Variants in PLD1 observed in about 807,000 individuals in gnomAD.
The protein encoded by PLD1 is choline phosphatase 1.
PLD1 carries 112 observed loss-of-function variants against 137.1 expected under a neutral mutation model. That is an observed-to-expected ratio of 0.82 (90% CI 0.70 to 0.96). The LOEUF (loss-of-function observed/expected upper bound fraction) is 0.96, where lower values mean the gene tolerates loss of function less well. Among genes scored for constraint, PLD1 ranks in the 40% least tolerant of loss-of-function variants. PLD1 has a pLI of 0.00. For synonymous variants in PLD1, 431 were observed against 454.7 expected, an observed-to-expected ratio of 0.95 and a Z score of 0.66; for missense variants, 1,321 against 1,342.0, an observed-to-expected ratio of 0.98 and a Z score of 0.24.
chr3:171,682,754 G>A (rs1714142492), intron 16 of PLD1, among the ~76,000 whole-genome samples: 2 of 152,232 alleles, frequency 1.3e-5, no homozygotes, highest in South Asian at 4.2e-4. Flanking sequence ...GGTACCAATA[G>A]CTGTGGGAGG....
intron 25 of PLD1, among the ~76,000 whole-genome samples, chr3:171,611,905 C>T (rs1237372032): frequency 6.6e-6 from 1 of 151,998 alleles, no homozygotes; most frequent in African/African-American, 2.4e-5. Context: ...CACAGCGAGA[C>T]ACGGTATCTA....
At chr3:171,720,506 C>G (rs562727866) in intron 8 of PLD1, among the ~76,000 whole-genome samples, 149 of 151,088 alleles carry the variant, frequency 9.9e-4, no homozygotes, top group African/African-American at 3.6e-3. Context: ...CGGCATGAAT[C>G]TGGGAGGCGG....
At chr3:171,660,891 G>A (rs893442543) in intron 20 of PLD1, among the ~76,000 whole-genome samples, 8 of 152,144 alleles carry the variant, frequency 5.3e-5, no homozygotes, top group Non-Finnish European at 1.0e-4. Context: ...TTACAGGCAT[G>A]AGCCACCGTG....
chr3:171,738,922 T>C (rs1337720051), intron 1 of PLD1, among the ~76,000 whole-genome samples: 2 of 152,216 alleles, frequency 1.3e-5, no homozygotes, highest in Non-Finnish European at 2.9e-5. Flanking sequence ...TTTTGCCTGA[T>C]GTAGAAATAA....
chr3:171,648,677 C>T (rs1736472593), intron 21 of PLD1, among the ~76,000 whole-genome samples: 1 of 151,992 alleles, frequency 6.6e-6, no homozygotes, highest in Non-Finnish European at 1.5e-5. Context: ...GCCTCAGCTT[C>T]CCGAGTAGCT....
intron 13 of PLD1, among the ~76,000 whole-genome samples, chr3:171,690,122 C>T (rs1578282921): frequency 6.6e-6 from 1 of 152,108 alleles, no homozygotes; most frequent in East Asian, 1.9e-4. Flanking sequence ...TTTCTTATTT[C>T]TAGGAACTTG....
At chr3:171,608,974 T>C (rs1446153926) in intron 25 of PLD1, among the ~76,000 whole-genome samples, 1 of 151,960 alleles carries the variant, frequency 6.6e-6, no homozygotes, top group Admixed American at 6.6e-5. Context: ...CAAACAAAAT[T>C]TGCAACACAT....
chr3:171,799,715 A>G (rs1723571158), intron 1 of PLD1, among the ~76,000 whole-genome samples: 1 of 152,246 alleles, frequency 6.6e-6, no homozygotes, highest in Non-Finnish European at 1.5e-5. Flanking sequence ...CAAAGTGGAC[A>G]TCACCAGTGA....
At position 171,676,804 on chromosome 3, in the gene PLD1, T is replaced by A. The variant is rs748754558; in HGVS notation, c.2026A>T (p.Met676Leu). 3.7e-6 allele frequency: 6 copies of A among 1,614,084 alleles called. No homozygotes were observed. The South Asian group carries it at 4.4e-5, about 12-fold the overall frequency. Residue 676 changes from methionine to leucine, a missense_variant, in exon 18 of 27, where the codon ATG becomes TTG. Coordinates refer to ENST00000351298, the MANE Select transcript of PLD1 (RefSeq NM_002662.5). ...GCAGAGGCAATGTCATGCCAGGGCA[T>A]CCGGGGCGTGGAGTACCTGTCAATG... ...DFIDRYSTPR[M>L]PWHDIASAVH...
At chr3:171,718,789 C>T (rs1717867972) in intron 8 of PLD1, among the ~76,000 whole-genome samples, 1 of 152,144 alleles carries the variant, frequency 6.6e-6, no homozygotes. Flanking sequence ...AGACATATAA[C>T]ATGAGGACCT....
At chr3:171,791,255 C>T (rs1216921211) in intron 1 of PLD1, among the ~76,000 whole-genome samples, 1 of 152,208 alleles carries the variant, frequency 6.6e-6, no homozygotes, top group Non-Finnish European at 1.5e-5. Context: ...TAGCCTATCT[C>T]TTTAGATAGG....
At chr3:171,605,257 T>C (rs759953525) in intron 26 of PLD1, 42 bp downstream of exon 26, 2 of 1,058,232 alleles carry the variant, frequency 1.9e-6, no homozygotes, top group Admixed American at 3.4e-5. Context: ...TGTGATGAGA[T>C]TCAGTGAAAA....
chr3:171,694,077 T>C (rs912647045), intron 12 of PLD1, among the ~76,000 whole-genome samples: 2 of 152,136 alleles, frequency 1.3e-5, no homozygotes, highest in Non-Finnish European at 2.9e-5. Context: ...CCTAAATTCC[T>C]TATAATAACA....
At chr3:171,798,349 A>C (rs1274398887) in intron 1 of PLD1, among the ~76,000 whole-genome samples, 1 of 152,240 alleles carries the variant, frequency 6.6e-6, no homozygotes, top group East Asian at 1.9e-4. Flanking sequence ...TACTCATCGA[A>C]CATATGACCA....
At chr3:171,645,069 A>G in intron 21 of PLD1, 46 bp from the exon 22 acceptor site, 1 of 1,263,598 alleles carries the variant, frequency 7.9e-7, no homozygotes, top group Non-Finnish European at 1.2e-6. Context: ...AATAAAAGGT[A>G]GTATCAATTT....
chr3:171,663,119 T>A (rs1159521185), intron 19 of PLD1, among the ~76,000 whole-genome samples: 1 of 152,202 alleles, frequency 6.6e-6, no homozygotes, highest in Non-Finnish European at 1.5e-5. Context: ...CATACCATCA[T>A]TCTATTAGTC....
intron 12 of PLD1, among the ~76,000 whole-genome samples, 170 bp from the exon 13 acceptor site, chr3:171,692,612 T>C (rs1298585613): frequency 1.3e-5 from 2 of 151,856 alleles, no homozygotes; most frequent in Non-Finnish European, 2.9e-5. Context: ...CCTCCACCTC[T>C]CGGGTTCAAG....
chr3:171,759,109 T>A (rs1164250761), intron 1 of PLD1, among the ~76,000 whole-genome samples: 1 of 151,278 alleles, frequency 6.6e-6, no homozygotes, highest in East Asian at 1.9e-4. Flanking sequence ...ATTTTTTTTT[T>A]AGCACATATA....
chr3:171,662,036 C>T (rs550187202), intron 20 of PLD1, 24 bp downstream of exon 20: 12 of 1,371,700 alleles, frequency 8.7e-6, no homozygotes, highest in East Asian at 6.9e-5. Context: ...GTTTCTCACA[C>T]GAATTTACAT....
Sources: gnomAD v4.1 joint callset for allele counts (sites outside exome capture counted in the v4.1 genomes callset) on GRCh38, gnomAD v4.1.1 for gene constraint, MANE v1.5 for transcripts, NCBI Gene and HGNC (gene_info 2026-07-23, HGNC 2026-07-21) for gene names.